The following BEND3 variants were observed in gnomAD, a reference collection of about 807,000 sequenced individuals.
BEND3 encodes BEN domain-containing protein 3.
A neutral mutation model predicts 60.1 loss-of-function variants in BEND3; 13 were observed. The observed-to-expected ratio is 0.22, with a 90% CI of 0.14 to 0.34. The LOEUF is 0.34. BEND3 is among the 10% of genes least tolerant of loss of function. The pLI is 1.00. For synonymous variants in BEND3, 497 were observed against 491.5 expected (o/e 1.01, Z -0.15); for missense variants, 896 against 1,138.1 (o/e 0.79, Z 3.06).
At chr6:107,104,439 G>C (rs1463361198) in intron 1 of BEND3, among the ~76,000 whole-genome samples, 1 of 152,024 alleles carries the variant, frequency 6.6e-6, no homozygotes, top group Non-Finnish European at 1.5e-5. Context: ...AGGTAATATA[G>C]TCATGCCTTA....
chr6:107,068,856 G>A lies in BEND3; in HGVS notation c.2335C>T (p.Leu779Phe). The stretch of plus-strand genomic sequence containing the variant: ...ACGGCTTCCACGTAGTGGCGGATGA[G>A]CCGCAGCCGCGTGGGGTCCAGTTGC... ...KKQLDPTRLR[L>F]IRHYVEAVYP... The change falls in exon 4 of 4, where the codon CTC (leucine) becomes TTC (phenylalanine). Residue 779 changes from leucine to phenylalanine, a missense_variant. Leu to Phe is a conservative substitution (Grantham distance 22, BLOSUM62 0). This residue lies in a region of BEND3 where 29 missense variants were observed against 51.9 expected (regional missense o/e 0.56). Coordinates refer to ENST00000369042, the MANE Select transcript of BEND3 (RefSeq NM_001367314.1). The surrounding 1 kb of genome is among the most constrained non-coding windows in gnomAD (Gnocchi z 5.8). 1 of 1,614,018 alleles carries A rather than the reference G, an allele frequency of 6.2e-7. No individual in the cohort carries two copies. The highest frequency in any genetic ancestry group is 8.5e-7 in the Non-Finnish European group (1 of 1,180,036).
In BEND3 at chr6:107,067,184, T is replaced by C. The variant is rs1227308017; in HGVS notation, c.*1520A>G. On this transcript the variant is annotated 3_prime_UTR_variant, in exon 4 of 4. Coordinates refer to ENST00000369042, the MANE Select transcript of BEND3 (RefSeq NM_001367314.1). ...GTTCTTATCAGCTGAATGAAGAAAA[T>C]CCAGATTGTTTCTGTTATCTCTGCA... is the stretch of plus-strand genomic sequence containing the variant. The C allele has an allele frequency of 6.6e-6, 1 of 152,150 alleles. No homozygotes were observed. Among genetic ancestry groups the C allele is most frequent in the Non-Finnish European group, 1.5e-5 (1 of 68,012 alleles). 9.4% of individuals were successfully genotyped at this position (152,150 alleles called of 1,614,324 possible).
At chr6:107,110,880 T>C (rs1297749701) in intron 1 of BEND3, among the ~76,000 whole-genome samples, 1 of 150,082 alleles carries the variant, frequency 6.7e-6, no homozygotes, top group Non-Finnish European at 1.5e-5. Context: ...TAAAAATTTA[T>C]CCCGGTCAGG....
intron 3 of BEND3, among the ~76,000 whole-genome samples, chr6:107,083,564 G>C (rs1401960181): frequency 1.3e-5 from 2 of 151,938 alleles, no homozygotes; most frequent in Non-Finnish European, 1.5e-5. Context: ...CTGAGCCCAG[G>C]GGGTTGAGGC....
In BEND3 at chr6:107,069,203, G is replaced by C; in HGVS notation, c.1988C>G (p.Pro663Arg). Residue 663 changes from proline (P) to arginine (R), a missense_variant, in exon 4 of 4, where the codon CCG (proline) becomes CGG (arginine). By Grantham distance (103) the Pro-to-Arg change is moderately radical. Transcript: ENST00000369042. ...GGTCAAGTCTCTGCACTCAGGGCCC[G>C]GCACGTGGACCTTGCGCTGCTGCTG... is the stretch of plus-strand genomic sequence containing the variant. The part of the protein sequence containing the change: ...SYQQQRKVHV[P>R]GPECRDLTSY... 1 of 1,612,474 alleles carries C rather than the reference G, an allele frequency of 6.2e-7. No homozygotes were observed. Among genetic ancestry groups the C allele is most frequent in the Non-Finnish European group, 8.5e-7 (1 of 1,179,978 alleles).
intron 1 of BEND3, among the ~76,000 whole-genome samples, chr6:107,104,962 G>A (rs1245220354): frequency 1.3e-5 from 2 of 152,280 alleles, no homozygotes; most frequent in East Asian, 3.9e-4. Flanking sequence ...ACTGTGTCCA[G>A]CTCCAGCTTC....
At chr6:107,103,958 AAAAAGAAAGAAAG>A (rs782187572) in intron 1 of BEND3, among the ~76,000 whole-genome samples, 6 of 125,676 alleles carry the variant, frequency 4.8e-5, no homozygotes, top group South Asian at 2.5e-4. Flanking sequence ...CAAAAAAAAA[AAAAAGAAAGAAAG>A]AAAGAAAGAA....
At chr6:107,072,335 T>G (rs1402211935) in intron 3 of BEND3, among the ~76,000 whole-genome samples, 1 of 152,196 alleles carries the variant, frequency 6.6e-6, no homozygotes, top group East Asian at 1.9e-4. Context: ...ATGCAGAGTG[T>G]GAACCCTGGG....
intron 3 of BEND3, among the ~76,000 whole-genome samples, chr6:107,095,949 A>G (rs1459955345): frequency 1.3e-5 from 2 of 152,228 alleles, no homozygotes. Flanking sequence ...ACTACTCTGT[A>G]TGATACTACA....
intron 1 of BEND3, among the ~76,000 whole-genome samples, chr6:107,105,645 G>A (rs1033412269): frequency 2.0e-5 from 3 of 152,142 alleles, no homozygotes; most frequent in Admixed American, 6.5e-5. Flanking sequence ...CCTGTGGGCC[G>A]GGGAGTCACA....
intron 3 of BEND3, among the ~76,000 whole-genome samples, chr6:107,073,802 G>A (rs1775042346): frequency 6.6e-6 from 1 of 151,836 alleles, no homozygotes; most frequent in Non-Finnish European, 1.5e-5. Flanking sequence ...TAGGAGGATT[G>A]CTTCAGCCTG....
intron 3 of BEND3, among the ~76,000 whole-genome samples, chr6:107,094,786 T>C (rs1344996494): frequency 1.3e-5 from 2 of 150,704 alleles, no homozygotes; most frequent in Non-Finnish European, 3.0e-5. Context: ...GCCCAGGAGT[T>C]TGAGATTACA....
chr6:107,085,196 G>A (rs552154456), intron 3 of BEND3, among the ~76,000 whole-genome samples: 2 of 152,296 alleles, frequency 1.3e-5, no homozygotes, highest in African/African-American at 4.8e-5. Flanking sequence ...CCCACCGGAA[G>A]GAACTCCCAA....
chr6:107,081,382 G>A (rs1428904279), intron 3 of BEND3, among the ~76,000 whole-genome samples: 5 of 151,710 alleles, frequency 3.3e-5, no homozygotes, highest in Admixed American at 6.6e-5. Flanking sequence ...CACTACGCCT[G>A]GCTAATTTTT....
At chr6:107,109,357 T>A (rs1165481639) in intron 1 of BEND3, among the ~76,000 whole-genome samples, 1 of 139,404 alleles carries the variant, frequency 7.2e-6, no homozygotes, top group Non-Finnish European at 1.5e-5. Flanking sequence ...GGCAAGAGAA[T>A]CCTTGAACCT....
chr6:107,099,093 G>A (rs1775650662), intron 2 of BEND3, among the ~76,000 whole-genome samples, 156 bp downstream of exon 2: 2 of 152,078 alleles, frequency 1.3e-5, no homozygotes, highest in Admixed American at 1.3e-4. Context: ...TATAACAAGT[G>A]TGTGGGTGGA....
intron 3 of BEND3, among the ~76,000 whole-genome samples, chr6:107,077,142 C>T (rs1554232861): frequency 6.6e-6 from 1 of 152,150 alleles, no homozygotes; most frequent in African/African-American, 2.4e-5. Flanking sequence ...TCTCTTTCTG[C>T]ACAAAATCCT....
chr6:107,100,654 A>C (rs973431913), intron 1 of BEND3, among the ~76,000 whole-genome samples: 1 of 152,196 alleles, frequency 6.6e-6, no homozygotes, highest in Admixed American at 6.5e-5. Flanking sequence ...AATGGAACTG[A>C]CACCATGAGG....
chr6:107,075,217 CTG>C (rs1290100080), intron 3 of BEND3, among the ~76,000 whole-genome samples: 1 of 149,716 alleles, frequency 6.7e-6, no homozygotes, highest in African/African-American at 2.4e-5. Context: ...CAGAGTGAGA[CTG>C]TGTCTCAAAA....
Sources: gnomAD v4.1 joint callset for allele counts (sites outside exome capture counted in the v4.1 genomes callset) on GRCh38, gnomAD v4.1.1 for gene constraint, gnomAD v4.1.1 regional missense constraint, Gnocchi (gnomAD v3.1) non-coding constraint, MANE v1.5 for transcripts, NCBI Gene and HGNC (gene_info 2026-07-23, HGNC 2026-07-21) for gene names.